Variants in POU1F1 observed in about 807,000 individuals in gnomAD.
POU1F1 encodes pituitary-specific positive transcription factor 1.
In POU1F1, 23 loss-of-function variants were observed where a neutral mutation model predicts 32.3. The ratio of observed to expected loss-of-function variants is 0.71; its 90% CI spans 0.51 to 1.01. POU1F1 has a LOEUF of 1.01. Among genes scored for constraint, POU1F1 ranks in the 50% least tolerant of loss-of-function variants. The pLI is 0.00. For missense variants in POU1F1, 323 were observed against 341.6 expected (o/e 0.95, Z 0.43); for synonymous variants, 120 against 115.6 (o/e 1.04, Z -0.25).
chr3:87,260,872 T>TTTTATTTATTTA (rs1017839437), intron 5 of POU1F1, among the ~76,000 whole-genome samples: 1 of 9,512 alleles, frequency 1.1e-4, no homozygotes, highest in African/African-American at 3.0e-4. Flanking sequence ...ATTATTTTTT[T>TTTTATTTATTTA]TTTATTTATT....
chr3:87,260,164 C>G (rs1483837688), intron 5 of POU1F1, 60 bp from the exon 6 acceptor site: 17 of 1,379,440 alleles, frequency 1.2e-5, no homozygotes, highest in Non-Finnish European at 1.7e-5. Flanking sequence ...TTTTTGGCAG[C>G]TCAAAATTAA....
At chr3:87,276,051 A>C (rs1451530428) in intron 1 of POU1F1, among the ~76,000 whole-genome samples, 1 of 152,144 alleles carries the variant, frequency 6.6e-6, no homozygotes, top group Non-Finnish European at 1.5e-5. Flanking sequence ...TAAAATGTCC[A>C]AGTTCATTCT....
chr3:87,274,422 A>G (rs1413902865), intron 1 of POU1F1, among the ~76,000 whole-genome samples: 11 of 151,960 alleles, frequency 7.2e-5, no homozygotes, highest in African/African-American at 2.4e-4. Flanking sequence ...TCTTGAATAA[A>G]TGAGATATTA....
At chr3:87,260,872 TTTTATTTATTTATTTATTTA>T (rs1017839437) in intron 5 of POU1F1, among the ~76,000 whole-genome samples, 4 of 9,508 alleles carry the variant, frequency 4.2e-4, no homozygotes, top group African/African-American at 1.2e-3. Context: ...ATTATTTTTT[TTTTATTTATTTATTTATTTA>T]TTTATTTATT....
At chr3:87,262,375 T>C (rs1706530253) in intron 3 of POU1F1, 140 bp from the exon 4 acceptor site, 1 of 877,158 alleles carries the variant, frequency 1.1e-6, no homozygotes, top group Non-Finnish European at 1.7e-6. Context: ...ATCAGAATTA[T>C]TTAGTAAGAT....
chr3:87,269,879 G>T (rs115703070), intron 2 of POU1F1, among the ~76,000 whole-genome samples: 16 of 152,146 alleles, frequency 1.1e-4, no homozygotes, highest in African/African-American at 3.6e-4. Flanking sequence ...AAAGATGGTG[G>T]GTTTAACATT....
chr3:87,268,161 C>T (rs1322558286), intron 2 of POU1F1, among the ~76,000 whole-genome samples: 1 of 148,764 alleles, frequency 6.7e-6, no homozygotes, highest in African/African-American at 2.5e-5. Flanking sequence ...TCACTGAAAC[C>T]TATGCCTCCT....
chr3:87,267,452 A>G (rs779835821), intron 2 of POU1F1, among the ~76,000 whole-genome samples: 18 of 152,306 alleles, frequency 1.2e-4, no homozygotes, highest in Non-Finnish European at 2.1e-4. Context: ...GTCTATACTC[A>G]GGCAAATTAA....
intron 2 of POU1F1, among the ~76,000 whole-genome samples, chr3:87,269,087 A>C (rs148712902): frequency 6.6e-6 from 1 of 152,194 alleles, no homozygotes; most frequent in Non-Finnish European, 1.5e-5. Flanking sequence ...TAACATGCAC[A>C]GGAACATGTA....
rs1404596688 is a variant in POU1F1 at position 87,259,762 on chromosome 3, A to G, written c.*132T>C. The G allele has an allele frequency of 1.6e-5, 12 of 729,224 alleles. No homozygotes were observed. The highest frequency in any genetic ancestry group is 2.9e-5 in the Admixed American group (1 of 34,874). 45.2% of individuals were successfully genotyped at this position (729,224 alleles called of 1,614,324 possible). ...TGTTGGTTTCTTTTTTTTAAAAAAA[A>G]GTGGAAAAGTAAAGCTTCTGTAAAA... is the stretch of plus-strand genomic sequence containing the variant. On this transcript the variant is annotated 3_prime_UTR_variant, in exon 6 of 6. Coordinates refer to ENST00000350375, the MANE Select transcript of POU1F1 (RefSeq NM_000306.4).
At chr3:87,264,538 G>GA (rs1706580643) in intron 2 of POU1F1, 26 bp from the exon 3 acceptor site, 1 of 1,507,654 alleles carries the variant, frequency 6.6e-7, no homozygotes. Flanking sequence ...GAAATAAAAT[G>GA]AAAAAGACCA....
At chr3:87,273,526 C>T in intron 1 of POU1F1, 108 bp from the exon 2 acceptor site, 1 of 1,532,382 alleles carries the variant, frequency 6.5e-7, no homozygotes, top group Non-Finnish European at 8.8e-7. Context: ...GGATTCAAGA[C>T]ACATTCGTTT....
chr3:87,275,982 A>G (rs551410684), intron 1 of POU1F1, among the ~76,000 whole-genome samples: 1 of 152,234 alleles, frequency 6.6e-6, no homozygotes, highest in South Asian at 2.1e-4. Context: ...TTATTTTATA[A>G]TATTCATTTC....
intron 4 of POU1F1, 32 bp from the exon 5 acceptor site, chr3:87,261,365 C>G (rs764268838): frequency 6.7e-7 from 1 of 1,484,390 alleles, no homozygotes; most frequent in Admixed American, 1.8e-5. Flanking sequence ...TAATTACAAA[C>G]ACAAAGTAGA....
intron 2 of POU1F1, among the ~76,000 whole-genome samples, chr3:87,264,803 A>G (rs991309190): frequency 1.5e-4 from 23 of 152,298 alleles, no homozygotes; most frequent in African/African-American, 5.3e-4. Context: ...TCTCAGAAGC[A>G]TACATTTTCT....
intron 2 of POU1F1, among the ~76,000 whole-genome samples, chr3:87,265,783 C>T (rs1178576339): frequency 6.6e-6 from 1 of 151,608 alleles, no homozygotes; most frequent in Non-Finnish European, 1.5e-5. Context: ...AGAAGATGTG[C>T]CTAGGTTATA....
intron 2 of POU1F1, among the ~76,000 whole-genome samples, chr3:87,269,311 T>C (rs1442698049): frequency 6.6e-6 from 1 of 152,098 alleles, no homozygotes; most frequent in East Asian, 1.9e-4. Flanking sequence ...CAATGACAGG[T>C]TGAATAGTTG....
At chr3:87,269,624 C>T (rs1383749416) in intron 2 of POU1F1, among the ~76,000 whole-genome samples, 1 of 152,092 alleles carries the variant, frequency 6.6e-6, no homozygotes, top group Admixed American at 6.6e-5. Context: ...CTGTCAGTTG[C>T]CAGGCTGATT....
chr3:87,270,186 A>G (rs1351067622), intron 2 of POU1F1, among the ~76,000 whole-genome samples: 1 of 152,122 alleles, frequency 6.6e-6, no homozygotes. Context: ...ATTTAGCTGC[A>G]AGAGTACGTG....
Sources: allele counts gnomAD v4.1 joint callset (sites outside exome capture counted in the v4.1 genomes callset), GRCh38; gene constraint gnomAD v4.1.1; transcripts MANE v1.5; gene names NCBI Gene and HGNC (gene_info 2026-07-23, HGNC 2026-07-21).